Variants in EAPP observed in about 807,000 individuals in gnomAD.
EAPP encodes the protein E2F associated phosphoprotein.
Under a neutral mutation model 34.3 loss-of-function variants are expected in EAPP, and 38 were observed. The observed-to-expected ratio is 1.11, with a 90% CI of 0.85 to 1.45. The LOEUF (loss-of-function observed/expected upper bound fraction) is 1.45. Ranked by LOEUF, EAPP falls within the 40% of genes most tolerant of loss-of-function variation. The pLI is 0.00. For synonymous variants in EAPP, 113 were observed against 117.6 expected (o/e 0.96, Z 0.25); for missense variants, 338 against 343.7 (o/e 0.98, Z 0.13).
At chr14:34,535,437 A>T (rs1320882544) in intron 2 of EAPP, among the ~76,000 whole-genome samples, 3 of 135,298 alleles carry the variant, frequency 2.2e-5, no homozygotes, top group Non-Finnish European at 3.1e-5. Context: ...GTCGCTACAG[A>T]TTTTTTTTTT....
chr14:34,534,191 A>G (rs1880387569), intron 2 of EAPP, among the ~76,000 whole-genome samples: 1 of 148,778 alleles, frequency 6.7e-6, no homozygotes, highest in Non-Finnish European at 1.5e-5. Context: ...GGAGTGCAAT[A>G]GCACAATCTC....
chr14:34,528,876 C>A (rs1331384980), intron 4 of EAPP, among the ~76,000 whole-genome samples: 1 of 151,758 alleles, frequency 6.6e-6, no homozygotes, highest in Admixed American at 6.6e-5. Context: ...GTGGCTCAAG[C>A]CTGTAATCCC....
At chr14:34,536,735 CAG>C (rs1880491081) in intron 1 of EAPP, among the ~76,000 whole-genome samples, 2 of 151,938 alleles carry the variant, frequency 1.3e-5, no homozygotes, top group South Asian at 4.2e-4. Context: ...TCTTTTGAAA[CAG>C]AGTCTCGCTC....
chr14:34,539,600 G>T lies in EAPP; in HGVS notation c.29C>A (p.Pro10His). 2 of 1,587,032 alleles carry T rather than the reference G, an allele frequency of 1.3e-6. No individual in the cohort carries two copies. Among genetic ancestry groups the T allele is most frequent in the Admixed American group, 1.8e-5 (1 of 56,674 alleles). ...GTCGCTAGGCTCTTCAACCGCGTAG[G>T]GGTCGTAGTCATCCGGAAGCCGGTT... Reference protein sequence around the residue: MNRLPDDYDPYAVEEPSDEE... With the variant: MNRLPDDYDHYAVEEPSDEE... The change falls in exon 1 of 6, where the codon CCC becomes CAC. Residue 10 changes from proline to histidine, a missense_variant. Physicochemically the swap from Pro to His is moderately conservative, Grantham distance 77 (BLOSUM62 -2). Coordinates refer to ENST00000250454, the MANE Select transcript of EAPP (RefSeq NM_018453.4).
intron 4 of EAPP, 141 bp from the exon 5 acceptor site, chr14:34,524,948 G>T: frequency 4.8e-6 from 3 of 622,714 alleles, no homozygotes; most frequent in Non-Finnish European, 8.3e-6. Flanking sequence ...TGAACCTGGA[G>T]CATCTTTTAG....
chr14:34,523,641 A>C (rs2138889212), intron 5 of EAPP, among the ~76,000 whole-genome samples: 1 of 150,746 alleles, frequency 6.6e-6, no homozygotes, highest in South Asian at 2.1e-4. Context: ...AGCTCAAGCC[A>C]TCCTCTCACC....
intron 3 of EAPP, among the ~76,000 whole-genome samples, chr14:34,531,123 G>A (rs1880275028): frequency 6.6e-6 from 1 of 151,518 alleles, no homozygotes; most frequent in Non-Finnish European, 1.5e-5. Context: ...TGACCAACAT[G>A]GCGAAATCCT....
chr14:34,539,288 A>C, intron 1 of EAPP: 1 of 650,308 alleles, frequency 1.5e-6, no homozygotes. Context: ...GTGTAGAGAC[A>C]GGTTTCGATC....
intron 3 of EAPP, among the ~76,000 whole-genome samples, chr14:34,530,332 A>C (rs543455843): frequency 1.3e-5 from 2 of 152,282 alleles, no homozygotes; most frequent in East Asian, 3.9e-4. Flanking sequence ...CAGGAGTTCA[A>C]GACCAGCCTG....
chr14:34,518,344 T>TTC (rs1879805790), intron 5 of EAPP, among the ~76,000 whole-genome samples: 1 of 138,794 alleles, frequency 7.2e-6, no homozygotes, highest in South Asian at 2.4e-4. Context: ...TTTTTTTTTT[T>TTC]TTTTTTTTGA....
Position 34,536,231 on chromosome 14 carries a change from T to C in EAPP, c.119A>G (p.Gln40Arg). 2 of 1,612,448 alleles carry C rather than the reference T, an allele frequency of 1.2e-6. No homozygotes were observed. The highest frequency in any genetic ancestry group is 1.7e-6 in the Non-Finnish European group (2 of 1,179,526). ...ACATTCTCTGATGAGTTTTCGTTTTTGGTCAGGAGTTCCATGTAAAAGCAC... is the reference window on the plus strand; with the variant it reads ...ACATTCTCTGATGAGTTTTCGTTTTCGGTCAGGAGTTCCATGTAAAAGCAC... Reference protein sequence around the residue: ...VDVLLHGTPDQKRKLIRECLT... With the variant: ...VDVLLHGTPDRKRKLIRECLT... Residue 40 changes from glutamine to arginine, a missense_variant, in exon 2 of 6, where the codon CAA becomes CGA. Coordinates refer to ENST00000250454, the MANE Select transcript of EAPP (RefSeq NM_018453.4).
chr14:34,536,671 T>A, intron 1 of EAPP, among the ~76,000 whole-genome samples: 1 of 152,056 alleles, frequency 6.6e-6, no homozygotes, highest in Admixed American at 6.6e-5. Context: ...TTTGTCGAAA[T>A]GGGGTTTCGC....
At chr14:34,539,426 C>G (rs755936205) in intron 1 of EAPP, 129 bp downstream of exon 1, 3 of 1,049,038 alleles carry the variant, frequency 2.9e-6, no homozygotes, top group African/African-American at 3.1e-5. Flanking sequence ...TGGCTTCGCA[C>G]AAGTAACAGG....
At chr14:34,517,024 G>A (rs940779809) in intron 5 of EAPP, among the ~76,000 whole-genome samples, 24 of 148,908 alleles carry the variant, frequency 1.6e-4, no homozygotes, top group African/African-American at 5.2e-4. Flanking sequence ...TGCAAGCTCC[G>A]TCTCCTGGGT....
chr14:34,539,337 T>G, intron 1 of EAPP: 2 of 691,852 alleles, frequency 2.9e-6, no homozygotes, highest in Non-Finnish European at 5.3e-6. Context: ...CCCCCGTGAT[T>G]CCGGAATATC....
chr14:34,524,322 G>A (rs1482607618), intron 5 of EAPP, among the ~76,000 whole-genome samples: 1 of 152,198 alleles, frequency 6.6e-6, no homozygotes, highest in East Asian at 1.9e-4. Context: ...CTGGGCAGCA[G>A]AGGTTGCAGC....
rs1254143283 is a variant in EAPP, at chr14:34,516,506, TTATA to T, written c.658_661del (p.Tyr220LysfsTer15). The T allele has an allele frequency of 6.2e-7, 1 of 1,614,186 alleles. No individual in the cohort carries two copies. ...CCTTTTCTTCCTGTTCTCTGAGGCT[TTATA>T]TCTTAGAACCTCCTCTTTGTTAATA... On this transcript the variant is annotated frameshift_variant, in exon 6 of 6. Coordinates refer to ENST00000250454, the MANE Select transcript of EAPP (RefSeq NM_018453.4). LOFTEE classifies it high-confidence loss of function.
chr14:34,534,300 T>A (rs906832853), intron 2 of EAPP, among the ~76,000 whole-genome samples: 3 of 152,056 alleles, frequency 2.0e-5, no homozygotes, highest in Non-Finnish European at 4.4e-5. Context: ...TCCCAGCTAA[T>A]TTTTTGTGTT....
In EAPP at chr14:34,516,542, T is replaced by A. The variant is rs1465125597; in HGVS notation, c.626A>T (p.Asn209Ile). ...AACCTCCTCTTTGTTAATAGAACAATTCATTACAAACATTGCTCTATATTG... is the reference window on the plus strand; with the variant it reads ...AACCTCCTCTTTGTTAATAGAACAAATCATTACAAACATTGCTCTATATTG... ...KTQYRAMFVM[N>I]CSINKEEVLR... The change falls in exon 6 of 6, where the codon AAT (asparagine) becomes ATT (isoleucine). Residue 209 changes from asparagine (N) to isoleucine (I), a missense_variant. Transcript: ENST00000250454. 1 of 1,614,048 alleles carries A rather than the reference T, an allele frequency of 6.2e-7. No homozygotes were observed. The highest frequency in any genetic ancestry group is 8.5e-7 in the Non-Finnish European group (1 of 1,179,988).
Sources: allele counts gnomAD v4.1 joint callset (sites outside exome capture counted in the v4.1 genomes callset), GRCh38; gene constraint gnomAD v4.1.1; transcripts MANE v1.5; gene names NCBI Gene and HGNC (gene_info 2026-07-23, HGNC 2026-07-21).